TMC1: variants seen among roughly 807,000 people sequenced by gnomAD.
TMC1 encodes transmembrane channel like 1, also known as transmembrane channel-like protein 1.
A neutral mutation model predicts 105.8 loss-of-function variants in TMC1; 84 were observed. That is an observed-to-expected ratio of 0.79 (90% CI 0.67 to 0.95). TMC1 has a LOEUF of 0.95. Among genes scored for constraint, TMC1 ranks in the 40% least tolerant of loss-of-function variants. The pLI is 0.00. For synonymous variants in TMC1, 315 were observed against 311.5 expected, an observed-to-expected ratio of 1.01 and a Z score of -0.12; for missense variants, 817 against 914.1, an observed-to-expected ratio of 0.89 and a Z score of 1.37.
chr9:72,619,753 C>T (rs1303750547), intron 3 of TMC1, among the ~76,000 whole-genome samples: 1 of 151,576 alleles, frequency 6.6e-6, no homozygotes, highest in Non-Finnish European at 1.5e-5. Flanking sequence ...AATGCTTGTA[C>T]CTGTGTTTAG....
At chr9:72,739,272 G>T (rs1435894279) in intron 8 of TMC1, among the ~76,000 whole-genome samples, 1 of 152,056 alleles carries the variant, frequency 6.6e-6, no homozygotes. Flanking sequence ...CATTCATGAG[G>T]GTTCTACCCC....
intron 2 of TMC1, among the ~76,000 whole-genome samples, chr9:72,613,235 G>A (rs1195345081): frequency 2.6e-5 from 4 of 151,296 alleles, no homozygotes; most frequent in South Asian, 2.1e-4. Flanking sequence ...GGGTTCAAGC[G>A]ATTCTCCTGC....
chr9:72,548,703 TGTC>T (rs766995573), intron 1 of TMC1, among the ~76,000 whole-genome samples: 16 of 151,994 alleles, frequency 1.1e-4, no homozygotes, highest in African/African-American at 2.4e-4. Flanking sequence ...AAAGCAGACT[TGTC>T]GTGCTGCAGT....
intron 12 of TMC1, among the ~76,000 whole-genome samples, chr9:72,762,012 G>A (rs1827763816): frequency 6.6e-6 from 1 of 152,188 alleles, no homozygotes; most frequent in South Asian, 2.1e-4. Flanking sequence ...TTGGGGGAGG[G>A]AGGCGTGTGA....
chr9:72,736,086 A>G (rs1827293523), intron 8 of TMC1, among the ~76,000 whole-genome samples: 2 of 152,206 alleles, frequency 1.3e-5, no homozygotes, highest in Admixed American at 6.5e-5. Flanking sequence ...TATGTAATAG[A>G]TAATAGAGTC....
At chr9:72,531,787 C>G (rs1411692868) in intron 1 of TMC1, among the ~76,000 whole-genome samples, 1 of 152,130 alleles carries the variant, frequency 6.6e-6, no homozygotes, top group African/African-American at 2.4e-5. Flanking sequence ...TCTTGGCCAC[C>G]TATCTTCAAT....
intron 1 of TMC1, among the ~76,000 whole-genome samples, chr9:72,570,636 C>T (rs1824261326): frequency 6.9e-6 from 1 of 145,116 alleles, no homozygotes; most frequent in Non-Finnish European, 1.5e-5. Flanking sequence ...CATATACTTA[C>T]CATGTAGATT....
At chr9:72,628,384 C>G (rs1825387135) in intron 4 of TMC1, 1 of 200,088 alleles carries the variant, frequency 5.0e-6, no homozygotes, top group Non-Finnish European at 1.0e-5. Context: ...ATCTGGTTGG[C>G]AGATGAATGC....
chr9:72,702,294 C>G (rs73474999), intron 8 of TMC1, among the ~76,000 whole-genome samples: 15 of 152,196 alleles, frequency 9.9e-5, no homozygotes, highest in African/African-American at 2.9e-4. Flanking sequence ...AGAAATACCC[C>G]CCTGGTCTTT....
intron 8 of TMC1, among the ~76,000 whole-genome samples, chr9:72,737,493 C>T (rs1827319812): frequency 6.6e-6 from 1 of 152,148 alleles, no homozygotes; most frequent in African/African-American, 2.4e-5. Context: ...CTGTGTCAGA[C>T]CTTGCCTAGG....
At chr9:72,668,144 T>C (rs1826072625) in intron 5 of TMC1, among the ~76,000 whole-genome samples, 1 of 152,236 alleles carries the variant, frequency 6.6e-6, no homozygotes, top group Non-Finnish European at 1.5e-5. Flanking sequence ...GAGTGCCTTT[T>C]ATATATCAGG....
rs796377768 is a variant in TMC1 at position 72,798,841 on chromosome 9, GT to G, written c.1566+6498del. Among the ~76,000 whole-genome samples the G allele has an allele frequency of 4.8e-3, 730 of 150,622 alleles. 7 individuals are homozygous for G. Among genetic ancestry groups the G allele is most frequent in the African/African-American group, 0.016 (648 of 41,118 alleles). On this transcript the variant is annotated intron_variant, in intron 17 of 23. Transcript: ENST00000297784. ...ATGTACTACTAAACCTAAAATAAAAGTTTTTTTTTAATGGATAATTTGGGGA... is the reference window on the plus strand; with the variant it reads ...ATGTACTACTAAACCTAAAATAAAAGTTTTTTTTAATGGATAATTTGGGGA...
chr9:72,578,387 C>T (rs1299294690), intron 2 of TMC1: 2 of 152,060 alleles, frequency 1.3e-5, no homozygotes, highest in African/African-American at 2.4e-5. Context: ...TATTAACTAA[C>T]TGCACCAATG....
chr9:72,784,944 T>C (rs981632998), intron 13 of TMC1, among the ~76,000 whole-genome samples: 1 of 151,960 alleles, frequency 6.6e-6, no homozygotes, highest in Non-Finnish European at 1.5e-5. Context: ...TATGTGAGGG[T>C]GGAGAGTGGG....
At chr9:72,684,118 T>C (rs1032677249) in intron 5 of TMC1, among the ~76,000 whole-genome samples, 3 of 152,146 alleles carry the variant, frequency 2.0e-5, no homozygotes, top group Admixed American at 6.5e-5. Context: ...TAATTCGTGT[T>C]GTTTTCTTTA....
intron 1 of TMC1, among the ~76,000 whole-genome samples, chr9:72,529,859 G>A (rs140230243): frequency 5.3e-4 from 80 of 152,208 alleles, no homozygotes; most frequent in African/African-American, 1.8e-3. Context: ...TTTCTAAGAG[G>A]AAGGAGAGAA....
At chr9:72,759,391 G>T (rs1003791920) in intron 12 of TMC1, among the ~76,000 whole-genome samples, 2 of 152,152 alleles carry the variant, frequency 1.3e-5, no homozygotes, top group African/African-American at 4.8e-5. Flanking sequence ...GCATCACAAA[G>T]CAGCATATAC....
chr9:72,673,087 G>A (rs1826148468), intron 5 of TMC1, among the ~76,000 whole-genome samples: 1 of 152,184 alleles, frequency 6.6e-6, no homozygotes, highest in Non-Finnish European at 1.5e-5. Context: ...CAAATATTTG[G>A]TAACTAATAT....
chr9:72,792,118 G>T lies in TMC1; in HGVS notation c.1404+53G>T, dbSNP rs777934723. 7 of 1,613,358 alleles carry T rather than the reference G, an allele frequency of 4.3e-6. No individual in the cohort carries two copies. In the African/African-American group the frequency reaches 6.7e-5, roughly 15 times the overall value. On this transcript the variant is annotated intron_variant, in intron 16 of 23. Transcript: ENST00000297784. ...CCATAAGAGTGTTGTTCAATTCCCA[G>T]TCTCAAGTTTGCCAGAAATGCCTTT...
Sources: gnomAD v4.1 joint callset for allele counts (sites outside exome capture counted in the v4.1 genomes callset) on GRCh38, gnomAD v4.1.1 for gene constraint, MANE v1.5 for transcripts, NCBI Gene and HGNC (gene_info 2026-07-23, HGNC 2026-07-21) for gene names.